The following PTPRD variants were observed in gnomAD, a reference collection of about 807,000 sequenced individuals.
The protein encoded by PTPRD is receptor-type tyrosine-protein phosphatase delta.
Under a neutral mutation model 214.5 loss-of-function variants are expected in PTPRD, and 34 were observed. The ratio of observed to expected loss-of-function variants is 0.16; its 90% confidence interval spans 0.12 to 0.21. The LOEUF (loss-of-function observed/expected upper bound fraction) is 0.21, where lower values mean the gene tolerates loss of function less well. Among genes scored for constraint, PTPRD ranks in the 10% least tolerant of loss-of-function variants. The pLI, the probability that PTPRD is intolerant of heterozygous loss-of-function variation, is 1.00. For synonymous variants in PTPRD, 1,128 were observed against 845.7 expected (o/e 1.33, Z -5.79); for missense variants, 2,545 against 2,398.7 (o/e 1.06, Z -1.27).
intron 4 of PTPRD, among the ~76,000 whole-genome samples, chr9:9,947,337 T>TATATATAAA (rs796254641): frequency 0.12 from 7,422 of 59,584 alleles, 747 homozygotes; most frequent in East Asian, 0.41. Context: ...ATATATGTAT[T>TATATATAAA]ATATATATAA....
chr9:8,759,704 T>C (rs907430755), intron 11 of PTPRD, among the ~76,000 whole-genome samples: 63 of 151,996 alleles, frequency 4.1e-4, no homozygotes, highest in African/African-American at 1.4e-3. Context: ...CTCATGACTT[T>C]CTGCTCTTTC....
chr9:10,530,372 A>G (rs1490194902), intron 2 of PTPRD, among the ~76,000 whole-genome samples: 1 of 152,202 alleles, frequency 6.6e-6, no homozygotes, highest in Admixed American at 6.5e-5. Context: ...AAAGTAAGAA[A>G]TGCAAAAAGT....
At chr9:9,835,027 A>G (rs1338555398) in intron 5 of PTPRD, among the ~76,000 whole-genome samples, 2 of 151,900 alleles carry the variant, frequency 1.3e-5, no homozygotes, top group Non-Finnish European at 2.9e-5. Context: ...TTATTGTTAT[A>G]TAGTAGATAG....
intron 7 of PTPRD, among the ~76,000 whole-genome samples, chr9:9,703,042 C>A (rs530342263): frequency 5.1e-4 from 78 of 152,254 alleles, no homozygotes; most frequent in African/African-American, 1.7e-3. Flanking sequence ...GAATTGTAAT[C>A]CTCATAATCC....
At chr9:8,587,881 G>A (rs150245025) in intron 14 of PTPRD, among the ~76,000 whole-genome samples, 138 of 152,252 alleles carry the variant, frequency 9.1e-4, no homozygotes, top group African/African-American at 3.1e-3. Context: ...GATGAAAATC[G>A]TAAATCCTCA....
chr9:9,967,893 C>A (rs2094818024), intron 4 of PTPRD, among the ~76,000 whole-genome samples: 1 of 151,994 alleles, frequency 6.6e-6, no homozygotes. Flanking sequence ...TTGATAGAAG[C>A]TTTGTTTTCA....
At chr9:9,565,874 G>A (rs2084357785) in intron 8 of PTPRD, among the ~76,000 whole-genome samples, 1 of 151,864 alleles carries the variant, frequency 6.6e-6, no homozygotes, top group African/African-American at 2.4e-5. Context: ...AAATGAAAAT[G>A]ACCAAGTAAC....
intron 4 of PTPRD, among the ~76,000 whole-genome samples, chr9:9,993,382 G>C (rs996885071): frequency 6.6e-6 from 1 of 152,066 alleles, no homozygotes; most frequent in African/African-American, 2.4e-5. Context: ...TTTTGTAATA[G>C]GCACAAACTG....
intron 36 of PTPRD, among the ~76,000 whole-genome samples, chr9:8,397,585 C>T (rs2091490728): frequency 6.6e-6 from 1 of 152,114 alleles, no homozygotes; most frequent in Non-Finnish European, 1.5e-5. Context: ...AATACGTTAG[C>T]ATGTGCTCAC....
At chr9:9,167,559 A>T (rs2099906637) in intron 10 of PTPRD, among the ~76,000 whole-genome samples, 1 of 152,072 alleles carries the variant, frequency 6.6e-6, no homozygotes. Context: ...GTTCGAGACC[A>T]GCCTGATCAA....
intron 3 of PTPRD, among the ~76,000 whole-genome samples, chr9:10,258,686 G>T (rs989346077): frequency 5.3e-5 from 8 of 152,094 alleles, no homozygotes; most frequent in African/African-American, 1.9e-4. Context: ...AATTTGTATG[G>T]AGTATACATA....
chr9:10,397,468 G>C (rs1565778905), intron 2 of PTPRD, among the ~76,000 whole-genome samples: 1 of 151,922 alleles, frequency 6.6e-6, no homozygotes, highest in Non-Finnish European at 1.5e-5. Context: ...GAGGGAACAA[G>C]GCAAAATGGA....
intron 2 of PTPRD, among the ~76,000 whole-genome samples, chr9:10,588,237 C>T (rs1458864187): frequency 1.3e-5 from 2 of 152,056 alleles, no homozygotes; most frequent in African/African-American, 4.8e-5. Context: ...TTTATAGTTG[C>T]AGTTTTGTTG....
chr9:9,936,122 G>A (rs202161751), intron 5 of PTPRD, among the ~76,000 whole-genome samples: 11,891 of 138,448 alleles, frequency 0.086, 2,324 homozygotes, highest in African/African-American at 0.35. Flanking sequence ...AACCATAAAA[G>A]CCCTAGAAGA....
intron 4 of PTPRD, among the ~76,000 whole-genome samples, chr9:9,961,931 C>T (rs1340944894): frequency 6.6e-6 from 1 of 151,914 alleles, no homozygotes; most frequent in Non-Finnish European, 1.5e-5. Context: ...ATGCTAATTA[C>T]CCTAATTTGA....
chr9:9,174,596 G>A (rs191785998), intron 10 of PTPRD, among the ~76,000 whole-genome samples: 1 of 152,038 alleles, frequency 6.6e-6, no homozygotes, highest in Non-Finnish European at 1.5e-5. Context: ...TTTAAATTGT[G>A]TAATATGTTC....
chr9:9,446,854 G>C (rs1427788481), intron 8 of PTPRD, among the ~76,000 whole-genome samples: 6 of 152,084 alleles, frequency 3.9e-5, no homozygotes, highest in African/African-American at 1.4e-4. Context: ...ATTGGGCAAA[G>C]GACATGAACA....
intron 4 of PTPRD, among the ~76,000 whole-genome samples, chr9:10,000,955 C>T (rs879837093): frequency 1.3e-5 from 2 of 152,156 alleles, no homozygotes; most frequent in Non-Finnish European, 2.9e-5. Context: ...TCCACTGGGC[C>T]GTATGCAAAT....
At chr9:8,701,634 T>A (rs1055811099) in intron 12 of PTPRD, 6 of 152,192 alleles carry the variant, frequency 3.9e-5, no homozygotes, top group African/African-American at 1.4e-4. Flanking sequence ...TGAAACTCCG[T>A]CTCAAATAAT....
Sources: allele counts gnomAD v4.1 joint callset (sites outside exome capture counted in the v4.1 genomes callset), GRCh38; gene constraint gnomAD v4.1.1; transcripts MANE v1.5; gene names NCBI Gene and HGNC (gene_info 2026-07-23, HGNC 2026-07-21).